Variants in ZFHX4 observed in about 807,000 individuals in gnomAD.
The protein encoded by ZFHX4 is zinc finger homeobox protein 4.
ZFHX4 carries 56 observed loss-of-function variants against 267.6 expected under a neutral mutation model. The observed-to-expected ratio is 0.21, with a 90% CI of 0.17 to 0.26. The LOEUF (loss-of-function observed/expected upper bound fraction) is 0.26, where lower values mean the gene tolerates loss of function less well. Among genes scored for constraint, ZFHX4 ranks in the 10% least tolerant of loss-of-function variants. The probability of loss-of-function intolerance (pLI) is 1.00; values close to 1 mark genes in which losing one functional copy is unlikely to be tolerated. For synonymous variants in ZFHX4, 1,778 were observed against 1,665.6 expected (o/e 1.07, Z -1.64); for missense variants, 4,332 against 4,420.0 (o/e 0.98, Z 0.56).
intron 4 of ZFHX4, 80 bp downstream of exon 4, chr8:76,778,519 A>C: frequency 8.6e-7 from 1 of 1,161,142 alleles, no homozygotes; most frequent in Non-Finnish European, 1.3e-6. Context: ...AAACACACAC[A>C]CACACGCCTC....
At chr8:76,785,255 A>G (rs1395057686) in intron 4 of ZFHX4, among the ~76,000 whole-genome samples, 1 of 152,090 alleles carries the variant, frequency 6.6e-6, no homozygotes, top group African/African-American at 2.4e-5. Context: ...ACATAGTTGA[A>G]ATCTGTATAT....
intron 1 of ZFHX4, among the ~76,000 whole-genome samples, chr8:76,687,739 T>C (rs1412583616): frequency 1.3e-5 from 2 of 152,220 alleles, no homozygotes; most frequent in African/African-American, 4.8e-5. Flanking sequence ...GATTCTGTTA[T>C]TGGAATATTA....
At chr8:76,729,988 G>A (rs1358015285) in intron 3 of ZFHX4, among the ~76,000 whole-genome samples, 1 of 152,208 alleles carries the variant, frequency 6.6e-6, no homozygotes, top group Non-Finnish European at 1.5e-5. Context: ...ATCCTTCCGT[G>A]TAACTGGGAG....
At chr8:76,831,771 A>C (rs1301885628) in intron 4 of ZFHX4, among the ~76,000 whole-genome samples, 1 of 152,174 alleles carries the variant, frequency 6.6e-6, no homozygotes, top group Non-Finnish European at 1.5e-5. Context: ...TGAGGGAAGA[A>C]TAGGAGGCTC....
Position 76,854,077 on chromosome 8 carries a change from G to A in ZFHX4, c.7156G>A (p.Gly2386Arg). The change falls in exon 10 of 11, where the codon GGG becomes AGG. Residue 2386 changes from glycine (G) to arginine (R), a missense_variant. Coordinates refer to ENST00000651372, the MANE Select transcript of ZFHX4 (RefSeq NM_024721.5). ...TGCCCCTGCAGCAAGTTCTGGCTCT[G>A]GGACCAGCACCCCCCTGATTCCATC... ...AAAPAASSGS[G>R]TSTPLIPSPK... The A allele has an allele frequency of 6.2e-7, 1 of 1,613,914 alleles. No homozygotes were observed. Among genetic ancestry groups the A allele is most frequent in the Non-Finnish European group, 8.5e-7 (1 of 1,179,856 alleles).
intron 5 of ZFHX4, among the ~76,000 whole-genome samples, chr8:76,838,213 G>A (rs1444598172): frequency 6.6e-6 from 1 of 152,122 alleles, no homozygotes; most frequent in Non-Finnish European, 1.5e-5. Context: ...GGAACATCGG[G>A]CATTACCTGG....
At chr8:76,683,747 A>G (rs1807618070) in intron 1 of ZFHX4, 1 of 150,006 alleles carries the variant, frequency 6.7e-6, no homozygotes, top group African/African-American at 2.5e-5. Context: ...CAGTGGCTTG[A>G]TCCCTATAAA....
chr8:76,862,786 C>G (rs1045135161), intron 10 of ZFHX4, among the ~76,000 whole-genome samples: 6 of 152,076 alleles, frequency 3.9e-5, no homozygotes, highest in Non-Finnish European at 5.9e-5. Context: ...CTATAGTTCA[C>G]GATGATGTTT....
intron 3 of ZFHX4, among the ~76,000 whole-genome samples, chr8:76,759,758 AT>A (rs1396994019): frequency 6.6e-6 from 1 of 152,220 alleles, no homozygotes; most frequent in Admixed American, 6.5e-5. Context: ...GAAATAAAAA[AT>A]AACTTGTTTA....
At chr8:76,716,205 A>G (rs949967162) in intron 3 of ZFHX4, among the ~76,000 whole-genome samples, 28 of 152,308 alleles carry the variant, frequency 1.8e-4, no homozygotes, top group African/African-American at 6.5e-4. Context: ...TTTACTATCT[A>G]TATAAAATTT....
At chr8:76,681,991 G>A (rs974498436) in intron 1 of ZFHX4, among the ~76,000 whole-genome samples, 1 of 152,132 alleles carries the variant, frequency 6.6e-6, no homozygotes, top group African/African-American at 2.4e-5. Flanking sequence ...CGTTTGCTTG[G>A]GCAGTTTTCT....
chr8:76,823,184 C>T (rs1480716820), intron 4 of ZFHX4, among the ~76,000 whole-genome samples: 1 of 149,982 alleles, frequency 6.7e-6, no homozygotes, highest in Non-Finnish European at 1.5e-5. Flanking sequence ...TAATCCTCTG[C>T]ACAGCATCCC....
intron 4 of ZFHX4, among the ~76,000 whole-genome samples, chr8:76,827,277 T>C (rs1294550307): frequency 6.6e-6 from 1 of 152,234 alleles, no homozygotes; most frequent in Non-Finnish European, 1.5e-5. Flanking sequence ...TTCATGCTAC[T>C]GTGAGAATCT....
chr8:76,739,452 C>T (rs914340045), intron 3 of ZFHX4, among the ~76,000 whole-genome samples: 2 of 152,068 alleles, frequency 1.3e-5, no homozygotes, highest in Non-Finnish European at 2.9e-5. Flanking sequence ...GATATACCCA[C>T]TCCTTAAGTG....
chr8:76,866,752 C>G lies in ZFHX4; in HGVS notation c.*2187C>G, dbSNP rs1188481630. Reference sequence around the variant, plus strand: ...ACTGTTTTACAAATGATTATTCCGACAGTGTGTCGACATAAACTTTTACAA... The same window carrying G: ...ACTGTTTTACAAATGATTATTCCGAGAGTGTGTCGACATAAACTTTTACAA... On this transcript the variant is annotated 3_prime_UTR_variant, in exon 11 of 11. Coordinates refer to ENST00000651372, the MANE Select transcript of ZFHX4 (RefSeq NM_024721.5). 3 of 150,226 alleles carry G rather than the reference C, an allele frequency of 2.0e-5. No homozygotes were observed. The highest frequency in any genetic ancestry group is 7.3e-5 in the African/African-American group (3 of 40,952). The allele number at this position is 150,226 out of a possible 1,614,324, so 9.3% of individuals were successfully genotyped here.
chr8:76,808,002 C>A (rs192831259), intron 4 of ZFHX4, among the ~76,000 whole-genome samples: 103 of 152,030 alleles, frequency 6.8e-4, no homozygotes, highest in Admixed American at 1.6e-3. Flanking sequence ...TACAACATAG[C>A]CTTGTGTGGT....
Position 76,849,496 on chromosome 8 carries a change from A to C in ZFHX4, c.3646-16A>C. 1 of 1,600,650 alleles carries C rather than the reference A, an allele frequency of 6.2e-7. No homozygotes were observed. On this transcript the variant is annotated splice_polypyrimidine_tract_variant and intron_variant, in intron 7 of 10. Transcript: ENST00000651372. ...GCATTAACTAATAGTGGCCATGTTT[A>C]TTCAATATTTTCCAGTTCTATCAAT...
chr8:76,750,401 T>G (rs1809583081), intron 3 of ZFHX4, among the ~76,000 whole-genome samples: 1 of 152,162 alleles, frequency 6.6e-6, no homozygotes, highest in East Asian at 1.9e-4. Context: ...ACTGTGCTCA[T>G]TTCACCCTAA....
In ZFHX4 at chr8:76,705,679, G is replaced by A; in HGVS notation, c.1591G>A (p.Asp531Asn). Residue 531 changes from aspartate (D) to asparagine (N), a missense_variant, in exon 2 of 11, where the codon GAT becomes AAT. Physicochemically the swap from Asp to Asn is conservative, Grantham distance 23 (BLOSUM62 1). Around this residue, in one of 7 missense-constraint regions of ZFHX4, gnomAD observed 1,195 missense variants for 1,173.6 expected, o/e 1.02. Transcript: ENST00000651372. ...GTSSSSATVS[D>N]DTEKKKQTAA... ...CTCGTCCTCCTCGGCGACTGTTTCT[G>A]ATGACACAGAAAAGAAAAAACAGAC... The A allele has an allele frequency of 6.2e-7, 1 of 1,613,984 alleles. No homozygotes were observed. The highest frequency in any genetic ancestry group is 1.1e-5 in the South Asian group (1 of 91,076).
Sources: allele counts gnomAD v4.1 joint callset (sites outside exome capture counted in the v4.1 genomes callset), GRCh38; gene constraint gnomAD v4.1.1; regional missense constraint gnomAD v4.1.1; transcripts MANE v1.5; gene names NCBI Gene and HGNC (gene_info 2026-07-23, HGNC 2026-07-21).